Variants in VAPB observed in about 807,000 individuals in gnomAD.
VAPB encodes VAMP associated protein B and C.
In VAPB, 7 loss-of-function variants were observed where a neutral mutation model predicts 25.6. The ratio of observed to expected loss-of-function variants is 0.27; its 90% CI spans 0.16 to 0.51. VAPB has a LOEUF of 0.51. Ranked by LOEUF, VAPB falls within the 20% of genes least tolerant of loss-of-function variation. VAPB has a pLI of 0.97. For missense variants in VAPB, 266 were observed against 301.3 expected, an observed-to-expected ratio of 0.88 and a Z score of 0.87; for synonymous variants, 112 against 109.2, an observed-to-expected ratio of 1.03 and a Z score of -0.16.
chr20:58,403,511 C>G (rs1382047154), intron 1 of VAPB, among the ~76,000 whole-genome samples: 1 of 152,198 alleles, frequency 6.6e-6, no homozygotes, highest in Non-Finnish European at 1.5e-5. Flanking sequence ...TCAGACCTCA[C>G]CCCTTCACTC....
intron 2 of VAPB, among the ~76,000 whole-genome samples, chr20:58,423,897 TAAAC>T (rs1315326179): frequency 6.6e-6 from 1 of 152,210 alleles, no homozygotes; most frequent in Admixed American, 6.5e-5. Context: ...AGATTCTGCT[TAAAC>T]AAAAAGTAGA....
Position 58,448,432 on chromosome 20 carries a change from A to C in VAPB, c.*4197A>C. 2.2e-6 allele frequency: 1 copy of C among 454,106 alleles called. No homozygotes were observed. Among genetic ancestry groups the C allele is most frequent in the South Asian group, 1.6e-5 (1 of 64,468 alleles). The allele number at this position is 454,106 out of a possible 1,614,324, so 28.1% of individuals were successfully genotyped here. On this transcript the variant is annotated 3_prime_UTR_variant, in exon 6 of 6. Transcript: ENST00000475243. Reference sequence around the variant, plus strand: ...CTCCTTACCTGTATAGAACATTTCCAATACATTCGCTCATTGAACTTAATC... The same window carrying C: ...CTCCTTACCTGTATAGAACATTTCCCATACATTCGCTCATTGAACTTAATC...
rs1423299042 is a variant in VAPB, at chr20:58,445,547, T to C, written c.*1312T>C. The C allele has an allele frequency of 2.2e-6, 1 of 454,356 alleles. No individual in the cohort carries two copies. Among genetic ancestry groups the C allele is most frequent in the Non-Finnish European group, 4.4e-6 (1 of 226,736 alleles). The allele number at this position is 454,356 out of a possible 1,614,324, so 28.1% of individuals were successfully genotyped here. On this transcript the variant is annotated 3_prime_UTR_variant, in exon 6 of 6. Transcript: ENST00000475243. ...AAAAATTATAATAAAGCCCCAAAAT[T>C]AAGAATTCTTTTGTCATTTTGTCAC... is the stretch of plus-strand genomic sequence containing the variant.
chr20:58,441,512 G>T (rs929432497), intron 5 of VAPB, among the ~76,000 whole-genome samples: 1 of 152,144 alleles, frequency 6.6e-6, no homozygotes, highest in Non-Finnish European at 1.5e-5. Flanking sequence ...TGTGGTGGCA[G>T]GTGCCTGTAA....
Position 58,445,838 on chromosome 20 carries a change from C to T in VAPB, c.*1603C>T, listed in dbSNP as rs1198937200. On this transcript the variant is annotated 3_prime_UTR_variant, in exon 6 of 6. Transcript: ENST00000475243. ...TGGCCTTCAGTAAAAAGCAGCCTCC[C>T]TTCTAGGTCAGGGAACCATGCCATT... The T allele has an allele frequency of 2.2e-6, 1 of 453,872 alleles. No homozygotes were observed. The highest frequency in any genetic ancestry group is 2.0e-5 in the African/African-American group (1 of 49,962). The allele number at this position is 453,872 out of a possible 1,614,324, so 28.1% of individuals were successfully genotyped here.
chr20:58,414,148 C>G (rs1213881483), intron 1 of VAPB, among the ~76,000 whole-genome samples: 1 of 127,232 alleles, frequency 7.9e-6, no homozygotes, highest in African/African-American at 2.9e-5. Flanking sequence ...ACCTCCCTCC[C>G]GGACGGGGCG....
chr20:58,425,527 T>C (rs764390257), intron 2 of VAPB, among the ~76,000 whole-genome samples: 13 of 152,236 alleles, frequency 8.5e-5, no homozygotes, highest in East Asian at 1.9e-4. Context: ...CTCAGTCTCA[T>C]TGGGGAGAAA....
At chr20:58,442,472 C>A (rs1260279889) in intron 5 of VAPB, among the ~76,000 whole-genome samples, 1 of 151,844 alleles carries the variant, frequency 6.6e-6, no homozygotes, top group African/African-American at 2.4e-5. Context: ...TTTTTTAAGC[C>A]AGTCGGACAC....
chr20:58,410,140 A>T (rs1057132487), intron 1 of VAPB, among the ~76,000 whole-genome samples: 7 of 152,118 alleles, frequency 4.6e-5, no homozygotes, highest in African/African-American at 1.7e-4. Flanking sequence ...CCTACCCCAC[A>T]CATGCATCAT....
chr20:58,414,424 C>T (rs1373658459), intron 1 of VAPB, among the ~76,000 whole-genome samples: 3 of 150,772 alleles, frequency 2.0e-5, no homozygotes, highest in Admixed American at 1.3e-4. Flanking sequence ...CCCCACCCCT[C>T]AGACGGGGCA....
intron 5 of VAPB, among the ~76,000 whole-genome samples, chr20:58,442,786 A>G (rs757955152): frequency 7.2e-5 from 11 of 152,252 alleles, no homozygotes; most frequent in Non-Finnish European, 1.2e-4. Context: ...TCCCACAGAG[A>G]TAGCAACAAA....
intron 1 of VAPB, among the ~76,000 whole-genome samples, chr20:58,389,810 G>T (rs1987744361): frequency 1.3e-5 from 2 of 152,280 alleles, no homozygotes; most frequent in South Asian, 4.1e-4. Flanking sequence ...ACCAGTTTGT[G>T]ATCCTCTCTA....
intron 5 of VAPB, 47 bp downstream of exon 5, chr20:58,441,130 A>G (rs1989152379): frequency 1.3e-6 from 2 of 1,597,196 alleles, no homozygotes; most frequent in Non-Finnish European, 1.7e-6. Context: ...GGGCGTTTTC[A>G]CTAGCTTCTT....
intron 1 of VAPB, among the ~76,000 whole-genome samples, chr20:58,396,123 A>G (rs976822282): frequency 1.3e-5 from 2 of 152,180 alleles, no homozygotes; most frequent in Non-Finnish European, 2.9e-5. Context: ...CTTTCTTTTA[A>G]TAACATTTTT....
intron 1 of VAPB, among the ~76,000 whole-genome samples, chr20:58,401,755 A>G (rs941609745): frequency 6.6e-6 from 1 of 152,128 alleles, no homozygotes; most frequent in African/African-American, 2.4e-5. Context: ...TCACTTATGT[A>G]TGAACCCAGG....
rs890690301 is a variant in VAPB, at chr20:58,448,431, C to T, written c.*4196C>T. The T allele has an allele frequency of 6.4e-5, 29 of 453,974 alleles. No homozygotes were observed. Among genetic ancestry groups the T allele is most frequent in the Admixed American group, 3.5e-4 (15 of 42,550 alleles). The allele number at this position is 453,974 out of a possible 1,614,324, so 28.1% of individuals were successfully genotyped here. On this transcript the variant is annotated 3_prime_UTR_variant, in exon 6 of 6. Transcript: ENST00000475243. ...ACTCCTTACCTGTATAGAACATTTC[C>T]AATACATTCGCTCATTGAACTTAAT... is the stretch of plus-strand genomic sequence containing the variant.
At chr20:58,414,107 G>T (rs1294472370) in intron 1 of VAPB, among the ~76,000 whole-genome samples, 1 of 111,628 alleles carries the variant, frequency 9.0e-6, no homozygotes, top group Admixed American at 8.1e-5. Context: ...CCCGGACGGG[G>T]CGGCTGGCCG....
chr20:58,442,760 G>C (rs538687979), intron 5 of VAPB, among the ~76,000 whole-genome samples: 21 of 152,320 alleles, frequency 1.4e-4, no homozygotes, highest in Middle Eastern at 3.4e-3. Flanking sequence ...GTGATTACAA[G>C]CCAGTGTGAT....
At chr20:58,399,125 A>AC (rs1988033522) in intron 1 of VAPB, among the ~76,000 whole-genome samples, 1 of 151,842 alleles carries the variant, frequency 6.6e-6, no homozygotes, top group African/African-American at 2.4e-5. Context: ...ACATAGTGAA[A>AC]CCCCATCTCT....
Sources: allele counts gnomAD v4.1 joint callset (sites outside exome capture counted in the v4.1 genomes callset), GRCh38; gene constraint gnomAD v4.1.1; transcripts MANE v1.5; gene names NCBI Gene and HGNC (gene_info 2026-07-23, HGNC 2026-07-21).